FGF14: variants seen among roughly 807,000 people sequenced by gnomAD.
FGF14 encodes the protein fibroblast growth factor 14.
A neutral mutation model predicts 25.5 loss-of-function variants in FGF14; 5 were observed. That is an observed-to-expected ratio of 0.20 (90% CI 0.10 to 0.41). The LOEUF is 0.41. Among genes scored for constraint, FGF14 ranks in the 10% least tolerant of loss-of-function variants. FGF14 has a pLI of 1.00. For synonymous variants in FGF14, 138 were observed against 118.3 expected (o/e 1.17, Z -1.08); for missense variants, 222 against 320.1 (o/e 0.69, Z 2.34).
intron 1 of FGF14, among the ~76,000 whole-genome samples, chr13:102,334,938 G>A (rs1311576957): frequency 6.6e-6 from 1 of 152,064 alleles, no homozygotes; most frequent in Non-Finnish European, 1.5e-5. Context: ...TCAATCCACA[G>A]TAAGACCCCA....
chr13:102,111,332 T>A (rs2140322515), intron 1 of FGF14, among the ~76,000 whole-genome samples: 1 of 152,344 alleles, frequency 6.6e-6, no homozygotes, highest in East Asian at 1.9e-4. Context: ...GCCTAGTGCT[T>A]TGGGCAGAGT....
chr13:102,074,229 G>C (rs909775615), intron 1 of FGF14, among the ~76,000 whole-genome samples: 2 of 152,070 alleles, frequency 1.3e-5, no homozygotes, highest in African/African-American at 4.8e-5. Flanking sequence ...GCCCAGGCTG[G>C]TCTCAAACTT....
At chr13:101,900,136 C>T (rs2031333569) in intron 1 of FGF14, among the ~76,000 whole-genome samples, 1 of 151,990 alleles carries the variant, frequency 6.6e-6, no homozygotes, top group Non-Finnish European at 1.5e-5. Context: ...AAATATTTTA[C>T]TAAGTGAAAA....
intron 1 of FGF14, among the ~76,000 whole-genome samples, chr13:102,022,708 T>C (rs900640906): frequency 1.3e-5 from 2 of 152,230 alleles, no homozygotes; most frequent in East Asian, 1.9e-4. Flanking sequence ...GATTGTATCA[T>C]AGTAAAATAA....
chr13:102,117,406 C>T (rs890462453), intron 1 of FGF14, among the ~76,000 whole-genome samples: 1 of 152,182 alleles, frequency 6.6e-6, no homozygotes, highest in Non-Finnish European at 1.5e-5. Context: ...AAGCACCTGA[C>T]TTTTAAGTGA....
intron 1 of FGF14, among the ~76,000 whole-genome samples, chr13:102,068,684 C>T (rs1566644386): frequency 1.3e-5 from 2 of 152,218 alleles, no homozygotes; most frequent in African/African-American, 4.8e-5. Context: ...TGCTCGATTT[C>T]TCGCCGGGCC....
chr13:102,222,147 T>C (rs74109543), intron 1 of FGF14, among the ~76,000 whole-genome samples: 3,148 of 152,318 alleles, frequency 0.021, 109 homozygotes, highest in African/African-American at 0.072. Flanking sequence ...AATGCCTGTC[T>C]ATAGCATCGT....
chr13:102,276,568 T>G (rs952974708), intron 1 of FGF14, among the ~76,000 whole-genome samples: 6 of 151,928 alleles, frequency 3.9e-5, no homozygotes, highest in Non-Finnish European at 5.9e-5. Flanking sequence ...CAAAGAATTA[T>G]TTTTCCTTTT....
At chr13:102,295,523 T>A (rs1336980246) in intron 1 of FGF14, among the ~76,000 whole-genome samples, 1 of 152,196 alleles carries the variant, frequency 6.6e-6, no homozygotes, top group African/African-American at 2.4e-5. Flanking sequence ...TATTACACAA[T>A]GGATCCTAAA....
chr13:101,924,525 C>A (rs931964889), intron 1 of FGF14, among the ~76,000 whole-genome samples: 1 of 152,170 alleles, frequency 6.6e-6, no homozygotes. Flanking sequence ...CAGTATAGAA[C>A]TTTTACATTC....
chr13:102,178,511 T>C (rs562758728), intron 1 of FGF14, among the ~76,000 whole-genome samples: 3 of 152,260 alleles, frequency 2.0e-5, no homozygotes, highest in East Asian at 3.9e-4. Flanking sequence ...GTGGACACTG[T>C]ACCCATTAAG....
rs2034626560 is a variant in FGF14 at position 101,714,520 on chromosome 13, C to T, written c.*8311G>A. 1 of 1,608,980 alleles carries T rather than the reference C, an allele frequency of 6.2e-7. No homozygotes were observed. Among genetic ancestry groups the T allele is most frequent in the Non-Finnish European group, 8.5e-7 (1 of 1,175,378 alleles). On this transcript the variant is annotated 3_prime_UTR_variant, in exon 5 of 5. Transcript: ENST00000376143. ...AGTTCTGTGACTGTGATGACAGAGACTGCGACAAACATGATGGTCTCATTT... is the reference window on the plus strand; with the variant it reads ...AGTTCTGTGACTGTGATGACAGAGATTGCGACAAACATGATGGTCTCATTT...
intron 1 of FGF14, among the ~76,000 whole-genome samples, chr13:102,280,025 G>A (rs1413549659): frequency 2.6e-5 from 4 of 152,134 alleles, no homozygotes; most frequent in African/African-American, 7.2e-5. Flanking sequence ...AATATATTAG[G>A]GAGGAAGTTG....
chr13:101,926,658 T>C (rs1040857688), intron 1 of FGF14, among the ~76,000 whole-genome samples: 1 of 152,228 alleles, frequency 6.6e-6, no homozygotes, highest in Non-Finnish European at 1.5e-5. Flanking sequence ...GGCCATAGAA[T>C]CTAGCTAAAT....
chr13:102,284,132 G>A (rs916124781), intron 1 of FGF14, among the ~76,000 whole-genome samples: 6 of 152,250 alleles, frequency 3.9e-5, no homozygotes, highest in South Asian at 2.1e-4. Context: ...TTTTTCCCCC[G>A]CAAGAGAGAG....
At position 101,908,183 on chromosome 13, in the gene FGF14, T is replaced by A. The variant is rs1268080930; in HGVS notation, c.193+8270A>T. Among the ~76,000 whole-genome samples, 7 of 152,182 alleles carry A rather than the reference T, an allele frequency of 4.6e-5. No homozygotes were observed. In the East Asian group the frequency reaches 1.3e-3, roughly 29 times the overall value. On this transcript the variant is annotated intron_variant, in intron 1 of 4. Coordinates refer to ENST00000376143, the MANE Select transcript of FGF14 (RefSeq NM_004115.4). ...CAAGGGGCCCCCTGAGGTTATTGAC[T>A]GTGAATTTAAAGTAGGACCAATGTG... is the stretch of plus-strand genomic sequence containing the variant.
intron 1 of FGF14, among the ~76,000 whole-genome samples, chr13:102,081,821 A>G (rs962851615): frequency 4.6e-5 from 7 of 152,204 alleles, no homozygotes; most frequent in African/African-American, 1.7e-4. Context: ...AGACGTCTAT[A>G]TTAATTGAGA....
chr13:102,242,486 T>G (rs1359124674), intron 1 of FGF14, among the ~76,000 whole-genome samples: 1 of 151,952 alleles, frequency 6.6e-6, no homozygotes, highest in Non-Finnish European at 1.5e-5. Context: ...TAGCAGAAAG[T>G]GGAAGGCCAA....
At position 102,295,435 on chromosome 13, in the gene FGF14, T is replaced by C. The variant is rs2054654506; in HGVS notation, c.208+106036A>G. ...GCCCCTTAGCAGCCTTAAGTTTTTT[T>C]CTTGTCCTTTGACTTGTACGGTACT... On this transcript the variant is annotated intron_variant, in intron 1 of 4. Coordinates refer to the FGF14 transcript ENST00000376131. Among the ~76,000 whole-genome samples the C allele has an allele frequency of 2.0e-5, 3 of 152,182 alleles. No homozygotes were observed. The South Asian group carries it at 6.2e-4, about 32-fold the overall frequency.
Sources: gnomAD v4.1 joint callset for allele counts (sites outside exome capture counted in the v4.1 genomes callset) on GRCh38, gnomAD v4.1.1 for gene constraint, MANE v1.5 for transcripts, NCBI Gene and HGNC (gene_info 2026-07-23, HGNC 2026-07-21) for gene names.